Variants in LRP1B observed in about 807,000 individuals in gnomAD.
LRP1B encodes the protein low-density lipoprotein receptor-related protein 1B.
A neutral mutation model predicts 556.6 loss-of-function variants in LRP1B; 217 were observed. That is an observed-to-expected ratio of 0.39 (90% CI 0.35 to 0.44). LRP1B has a LOEUF of 0.44. Among genes scored for constraint, LRP1B ranks in the 20% least tolerant of loss-of-function variants. LRP1B has a pLI of 1.00. For synonymous variants in LRP1B, 2,047 were observed against 1,865.8 expected (o/e 1.10, Z -2.50); for missense variants, 5,053 against 5,620.8 (o/e 0.90, Z 3.23).
chr2:141,716,632 C>G (rs1454426809), intron 2 of LRP1B, among the ~76,000 whole-genome samples: 1 of 152,090 alleles, frequency 6.6e-6, no homozygotes, highest in African/African-American at 2.4e-5. Flanking sequence ...AAGGCCACTG[C>G]TCTGCATATG....
At chr2:140,283,050 T>C (rs1179112771) in intron 84 of LRP1B, among the ~76,000 whole-genome samples, 1 of 151,800 alleles carries the variant, frequency 6.6e-6, no homozygotes, top group African/African-American at 2.4e-5. Context: ...AATATGTTAA[T>C]AAGAGCAATT....
At position 140,541,823 on chromosome 2, in the gene LRP1B, T is replaced by C; in HGVS notation, c.7343A>G (p.His2448Arg). The change falls in exon 44 of 91, where the codon CAT becomes CGT. Residue 2448 changes from histidine to arginine, a missense_variant. His to Arg is a conservative substitution (Grantham distance 29, BLOSUM62 0). Around this residue, in one of 5 missense-constraint regions of LRP1B, gnomAD observed 3,619 missense variants for 3,931.9 expected, o/e 0.92. Coordinates refer to ENST00000389484, the MANE Select transcript of LRP1B (RefSeq NM_018557.3). The stretch of plus-strand genomic sequence containing the variant: ...AACAGCTATGATTCCCATTGGCTGA[T>C]GTGGAATATCGGAACGAAGAATTTT... ...DTKILRSDIPHQPMGIIAVAN... is the reference protein window; with the variant it reads ...DTKILRSDIPRQPMGIIAVAN... 1 of 1,612,670 alleles carries C rather than the reference T, an allele frequency of 6.2e-7. No homozygotes were observed. Among genetic ancestry groups the C allele is most frequent in the Non-Finnish European group, 8.5e-7 (1 of 1,179,044 alleles).
At chr2:140,809,058 T>C (rs1313046334) in intron 32 of LRP1B, among the ~76,000 whole-genome samples, 2 of 151,994 alleles carry the variant, frequency 1.3e-5, no homozygotes, top group Non-Finnish European at 2.9e-5. Flanking sequence ...AGTAACTCAA[T>C]GTCACCAGTA....
chr2:140,272,540 A>G (rs1394435834), intron 85 of LRP1B, among the ~76,000 whole-genome samples: 1 of 151,970 alleles, frequency 6.6e-6, no homozygotes, highest in East Asian at 1.9e-4. Flanking sequence ...TAGGCTGTGT[A>G]TTAGAAACAC....
chr2:141,150,869 T>TTTTG (rs1553467365), intron 7 of LRP1B, among the ~76,000 whole-genome samples: 1 of 138,626 alleles, frequency 7.2e-6, no homozygotes, highest in Non-Finnish European at 1.5e-5. Flanking sequence ...TCATGCTGGT[T>TTTTG]TGTGTGTGTG....
At chr2:141,306,168 A>G (rs975538139) in intron 3 of LRP1B, among the ~76,000 whole-genome samples, 16 of 123,338 alleles carry the variant, frequency 1.3e-4, no homozygotes, top group Non-Finnish European at 2.6e-4. Flanking sequence ...ATCAGTGTGA[A>G]CTATTAAAAT....
rs1212103925 is a variant in LRP1B at position 141,590,313 on chromosome 2, G to T, written c.206-109780C>A. On this transcript the variant is annotated intron_variant, in intron 2 of 90. Coordinates refer to ENST00000389484, the MANE Select transcript of LRP1B (RefSeq NM_018557.3). The stretch of plus-strand genomic sequence containing the variant: ...GACATAAGCTGAATTTAAAACTCTT[G>T]CTGAGATTACCACCCTTTTAATACT... 3.3e-5 allele frequency among the ~76,000 whole-genome samples: 5 copies of T among 152,232 alleles called. No homozygotes were observed. The East Asian group carries it at 9.6e-4, about 29-fold the overall frequency.
intron 41 of LRP1B, among the ~76,000 whole-genome samples, chr2:140,613,154 T>C (rs1683126442): frequency 6.7e-6 from 1 of 149,984 alleles, no homozygotes; most frequent in Admixed American, 6.7e-5. Context: ...CTTTGAGTTA[T>C]CTTAGGCAGG....
intron 25 of LRP1B, among the ~76,000 whole-genome samples, chr2:140,879,112 G>A (rs1693395791): frequency 6.6e-6 from 1 of 152,106 alleles, no homozygotes; most frequent in African/African-American, 2.4e-5. Flanking sequence ...AGATAAGGCT[G>A]TACTTCCCAC....
At chr2:140,870,574 GA>G (rs1693097257) in intron 25 of LRP1B, among the ~76,000 whole-genome samples, 1 of 152,042 alleles carries the variant, frequency 6.6e-6, no homozygotes, top group African/African-American at 2.4e-5. Context: ...GAGAGGGAGT[GA>G]AAAATTCCCT....
intron 2 of LRP1B, among the ~76,000 whole-genome samples, chr2:141,717,338 G>A (rs1430134487): frequency 1.3e-5 from 2 of 152,136 alleles, no homozygotes; most frequent in African/African-American, 4.8e-5. Context: ...TTGCTATTAT[G>A]TCAAATAACT....
intron 1 of LRP1B, among the ~76,000 whole-genome samples, chr2:141,949,942 A>G (rs867462992): frequency 2.0e-5 from 3 of 152,276 alleles, no homozygotes; most frequent in Non-Finnish European, 4.4e-5. Flanking sequence ...ACTGTATACA[A>G]TAAGATTGGA....
intron 3 of LRP1B, among the ~76,000 whole-genome samples, chr2:141,372,565 C>T (rs1468656141): frequency 1.3e-5 from 2 of 151,956 alleles, no homozygotes; most frequent in Non-Finnish European, 2.9e-5. Context: ...TTCAATCCCA[C>T]TACTCATTAT....
intron 1 of LRP1B, among the ~76,000 whole-genome samples, chr2:141,863,928 C>G (rs190377509): frequency 4.0e-4 from 61 of 152,124 alleles, no homozygotes; most frequent in Admixed American, 2.4e-3. Context: ...TATTCTAACA[C>G]AATATATTGC....
chr2:141,287,846 G>C (rs988880106), intron 3 of LRP1B, among the ~76,000 whole-genome samples: 1 of 152,096 alleles, frequency 6.6e-6, no homozygotes, highest in African/African-American at 2.4e-5. Flanking sequence ...CAACTGATAA[G>C]AAATGGGAAT....
At chr2:141,544,477 C>G (rs1018253796) in intron 2 of LRP1B, among the ~76,000 whole-genome samples, 2 of 148,654 alleles carry the variant, frequency 1.3e-5, no homozygotes, top group African/African-American at 5.0e-5. Flanking sequence ...AGGTGTGTCT[C>G]ACTATGTTGT....
intron 41 of LRP1B, among the ~76,000 whole-genome samples, chr2:140,632,878 A>G (rs1352594985): frequency 6.6e-6 from 1 of 152,076 alleles, no homozygotes; most frequent in Non-Finnish European, 1.5e-5. Context: ...CCTGGATAAC[A>G]TGGTGAAACC....
chr2:141,282,373 G>C (rs1160237264), intron 3 of LRP1B, among the ~76,000 whole-genome samples: 1 of 151,010 alleles, frequency 6.6e-6, no homozygotes, highest in African/African-American at 2.4e-5. Context: ...TAGGACTGAT[G>C]GCATAATTCA....
chr2:141,418,127 T>C (rs1448284507), intron 3 of LRP1B, among the ~76,000 whole-genome samples: 1 of 152,188 alleles, frequency 6.6e-6, no homozygotes, highest in African/African-American at 2.4e-5. Context: ...GAGTTTCTTA[T>C]ATATTTTGGA....
Sources: gnomAD v4.1 joint callset for allele counts (sites outside exome capture counted in the v4.1 genomes callset) on GRCh38, gnomAD v4.1.1 for gene constraint, gnomAD v4.1.1 regional missense constraint, MANE v1.5 for transcripts, NCBI Gene and HGNC (gene_info 2026-07-23, HGNC 2026-07-21) for gene names.